EVA1A: variants seen among roughly 807,000 people sequenced by gnomAD.
EVA1A encodes the protein eva-1 homolog A, regulator of programmed cell death.
Under a neutral mutation model 9.8 loss-of-function variants are expected in EVA1A, and 7 were observed. The ratio of observed to expected loss-of-function variants is 0.71; its 90% confidence interval spans 0.41 to 1.34. The LOEUF (loss-of-function observed/expected upper bound fraction) is 1.34. Ranked by LOEUF, EVA1A falls within the 40% of genes most tolerant of loss-of-function variation. The probability of loss-of-function intolerance (pLI) is 0.01; values close to 1 mark genes in which losing one functional copy is unlikely to be tolerated. For synonymous variants in EVA1A, 90 were observed against 85.6 expected, an observed-to-expected ratio of 1.05 and a Z score of -0.28; for missense variants, 206 against 205.9, an observed-to-expected ratio of 1.00 and a Z score of 0.00.
chr2:75,537,758 G>A (rs1326065904), intron 1 of EVA1A, among the ~76,000 whole-genome samples: 1 of 152,124 alleles, frequency 6.6e-6, no homozygotes, highest in Non-Finnish European at 1.5e-5. Flanking sequence ...CTTTATGCGA[G>A]AGCTGACTGT....
At chr2:75,554,478 C>T (rs546134731) in intron 1 of EVA1A, among the ~76,000 whole-genome samples, 1 of 152,210 alleles carries the variant, frequency 6.6e-6, no homozygotes, top group Non-Finnish European at 1.5e-5. Flanking sequence ...ATGGCCATTC[C>T]TATCCCAACC....
upstream of EVA1A, among the ~76,000 whole-genome samples, chr2:75,563,820 A>G (rs1676969287): frequency 6.6e-6 from 1 of 152,134 alleles, no homozygotes; most frequent in Non-Finnish European, 1.5e-5. Context: ...CCTACCCACA[A>G]AATAAGTTGT....
chr2:75,547,153 C>T (rs1288069204), intron 1 of EVA1A, among the ~76,000 whole-genome samples: 1 of 152,192 alleles, frequency 6.6e-6, no homozygotes, highest in African/African-American at 2.4e-5. Context: ...ACACTTGCAG[C>T]CGACTTTGGT....
intron 3 of EVA1A, among the ~76,000 whole-genome samples, chr2:75,505,844 T>TA (rs1324660376): frequency 6.6e-6 from 1 of 152,142 alleles, no homozygotes; most frequent in Non-Finnish European, 1.5e-5. Context: ...TTTTTAATTA[T>TA]AAAATCACCA....
At position 75,536,812 on chromosome 2, in the gene EVA1A, A is replaced by AC. The variant is rs957937352; in HGVS notation, c.-191-14326dup. On this transcript the variant is annotated intron_variant, in intron 1 of 3. Transcript: ENST00000393913. ...TTAAAGAATTGAATTCGTAATTTTA[A>AC]CCCCCCCGCTCCAAAAAAAAACAAC... Among the ~76,000 whole-genome samples the AC allele has an allele frequency of 4.0e-5, 6 of 151,738 alleles. No homozygotes were observed. The South Asian group carries it at 1.0e-3, about 26-fold the overall frequency.
chr2:75,565,766 A>T (rs535679824), upstream of EVA1A, among the ~76,000 whole-genome samples: 14 of 152,360 alleles, frequency 9.2e-5, no homozygotes, highest in African/African-American at 3.4e-4. Context: ...TCATGGCCTG[A>T]TGAGAGGCTA....
chr2:75,494,609 G>C (rs1674142891), intron 3 of EVA1A, among the ~76,000 whole-genome samples: 1 of 152,192 alleles, frequency 6.6e-6, no homozygotes, highest in Admixed American at 6.5e-5. Context: ...AATGAGCTTG[G>C]TTGTGAATCA....
chr2:75,544,869 T>C (rs1348859102), intron 1 of EVA1A, among the ~76,000 whole-genome samples: 1 of 152,200 alleles, frequency 6.6e-6, no homozygotes, highest in Non-Finnish European at 1.5e-5. Flanking sequence ...AGGTATCTTG[T>C]TTAAAAGTGC....
chr2:75,556,840 A>G (rs1676726959), intron 1 of EVA1A, among the ~76,000 whole-genome samples: 1 of 152,164 alleles, frequency 6.6e-6, no homozygotes. Flanking sequence ...TCATGCTCCT[A>G]TGAGAATCTA....
chr2:75,540,245 A>G (rs1196500527), intron 1 of EVA1A, among the ~76,000 whole-genome samples: 1 of 152,240 alleles, frequency 6.6e-6, no homozygotes, highest in Non-Finnish European at 1.5e-5. Context: ...TACCTGGCAC[A>G]GAGTAATAGG....
At chr2:75,559,717 T>TGGGGGGGG (rs1457049048) in intron 1 of EVA1A, among the ~76,000 whole-genome samples, 2 of 52,784 alleles carry the variant, frequency 3.8e-5, no homozygotes, top group African/African-American at 8.3e-5. Context: ...GCGGGGGAGT[T>TGGGGGGGG]GGGGGGACGG....
At chr2:75,527,219 A>G (rs1675477925) in intron 1 of EVA1A, among the ~76,000 whole-genome samples, 1 of 152,214 alleles carries the variant, frequency 6.6e-6, no homozygotes, top group South Asian at 2.1e-4. Context: ...CTGGGTAGAT[A>G]GCCTAGACTT....
At chr2:75,551,442 C>G (rs1403755571) in intron 1 of EVA1A, among the ~76,000 whole-genome samples, 1 of 152,200 alleles carries the variant, frequency 6.6e-6, no homozygotes, top group Non-Finnish European at 1.5e-5. Context: ...GTTGATCCCC[C>G]TCTCCTGGAA....
intron 1 of EVA1A, among the ~76,000 whole-genome samples, chr2:75,538,527 G>C (rs1371804194): frequency 6.6e-6 from 1 of 152,090 alleles, no homozygotes; most frequent in African/African-American, 2.4e-5. Flanking sequence ...CAACTTTTTG[G>C]GACTGGGTAC....
chr2:75,521,220 T>C (rs1016015075), intron 2 of EVA1A, among the ~76,000 whole-genome samples: 1 of 152,210 alleles, frequency 6.6e-6, no homozygotes, highest in Non-Finnish European at 1.5e-5. Context: ...TTGGAACCCT[T>C]GTGCACTGTT....
chr2:75,506,187 A>G lies in EVA1A; in HGVS notation c.85+11869T>C, dbSNP rs77524285. Among the ~76,000 whole-genome samples the G allele has an allele frequency of 8.4e-4, 128 of 152,332 alleles. 2 individuals are homozygous for G. The highest frequency in any genetic ancestry group is 3.0e-3 in the African/African-American group (123 of 41,576). ...TGGATATTTAGGTTGTTATGAGGAAATATTTTTGAAAAATAGTAATACAAG... is the reference window on the plus strand; with the variant it reads ...TGGATATTTAGGTTGTTATGAGGAAGTATTTTTGAAAAATAGTAATACAAG... On this transcript the variant is annotated intron_variant, in intron 3 of 3. Transcript: ENST00000393913.
chr2:75,562,161 C>A (rs574248576), upstream of EVA1A, among the ~76,000 whole-genome samples: 5 of 152,336 alleles, frequency 3.3e-5, no homozygotes, highest in African/African-American at 1.2e-4. Flanking sequence ...GAAGCACTGG[C>A]TGCTAGACCA....
chr2:75,518,004 T>C lies in EVA1A; in HGVS notation c.85+52A>G, dbSNP rs532208544. The C allele has an allele frequency of 2.3e-5, 37 of 1,609,574 alleles. No homozygotes were observed. The African/African-American group carries it at 4.1e-4, about 18-fold the overall frequency. ...AGAGATGGCCACCCAGGAGACAACC[T>C]TGGACCCAGCCCCAGACCTCAGTCC... is the stretch of plus-strand genomic sequence containing the variant. On this transcript the variant is annotated intron_variant, in intron 3 of 3. Coordinates refer to ENST00000393913, the MANE Select transcript of EVA1A (RefSeq NM_001135032.2).
intron 1 of EVA1A, among the ~76,000 whole-genome samples, chr2:75,532,481 G>C (rs576496465): frequency 2.2e-4 from 34 of 152,062 alleles, no homozygotes; most frequent in African/African-American, 8.2e-4. Flanking sequence ...AAAATAAAAA[G>C]CTCAAAATAA....
Sources: gnomAD v4.1 joint callset for allele counts (sites outside exome capture counted in the v4.1 genomes callset) on GRCh38, gnomAD v4.1.1 for gene constraint, MANE v1.5 for transcripts, NCBI Gene and HGNC (gene_info 2026-07-23, HGNC 2026-07-21) for gene names.